The following PDGFRA variants were observed in gnomAD, a reference collection of about 807,000 sequenced individuals.
PDGFRA encodes the protein platelet-derived growth factor receptor alpha.
In PDGFRA, 25 loss-of-function variants were observed where a neutral mutation model predicts 121.5. The observed-to-expected ratio is 0.21, with a 90% CI of 0.15 to 0.29. The LOEUF (loss-of-function observed/expected upper bound fraction) is 0.29. PDGFRA is among the 10% of genes least tolerant of loss of function. PDGFRA has a pLI of 1.00. For synonymous variants in PDGFRA, 463 were observed against 494.8 expected, an observed-to-expected ratio of 0.94 and a Z score of 0.85; for missense variants, 1,008 against 1,345.1, an observed-to-expected ratio of 0.75 and a Z score of 3.92.
chr4:54,238,125 A>G (rs1721110924), intron 1 of PDGFRA, among the ~76,000 whole-genome samples: 1 of 152,202 alleles, frequency 6.6e-6, no homozygotes, highest in South Asian at 2.1e-4. Flanking sequence ...TTTGTTTTCT[A>G]CATACCCCAC....
chr4:54,250,400 A>G (rs116644280), intron 1 of PDGFRA, among the ~76,000 whole-genome samples: 1 of 152,172 alleles, frequency 6.6e-6, no homozygotes, highest in African/African-American at 2.4e-5. Context: ...TCCAAAAGTG[A>G]CATATTTGGC....
At chr4:54,294,565 A>C (rs1724785997) in intron 22 of PDGFRA, among the ~76,000 whole-genome samples, 1 of 151,268 alleles carries the variant, frequency 6.6e-6, no homozygotes, top group Non-Finnish European at 1.5e-5. Context: ...AGGCTTTCTG[A>C]CTCCAGAACT....
intron 1 of PDGFRA, among the ~76,000 whole-genome samples, chr4:54,257,725 G>A (rs566554656): frequency 1.3e-5 from 2 of 152,272 alleles, no homozygotes; most frequent in African/African-American, 4.8e-5. Context: ...GAGAAATGAG[G>A]GGGGAGATAA....
intron 1 of PDGFRA, among the ~76,000 whole-genome samples, chr4:54,246,265 T>C (rs1258457880): frequency 6.6e-6 from 1 of 152,176 alleles, no homozygotes; most frequent in Non-Finnish European, 1.5e-5. Context: ...AGAATATACA[T>C]GTTTTTCAGC....
rs375434317 is a variant in PDGFRA at position 54,278,511 on chromosome 4, C to G, written c.2152C>G (p.Arg718Gly). The change falls in exon 15 of 23, where the codon CGG becomes GGG. Residue 718 changes from arginine to glycine, a missense_variant. Arg to Gly is a moderately radical substitution (Grantham distance 125, BLOSUM62 -2). Coordinates refer to ENST00000257290, the MANE Select transcript of PDGFRA (RefSeq NM_006206.6). ...ATTGAACCCTGCTGATGAAAGCACA[C>G]GGAGGTGGGTGCAAAGAGAGATGTT... ...FGLNPADEST[R>G]SYVILSFENN... 1 of 1,613,798 alleles carries G rather than the reference C, an allele frequency of 6.2e-7. No individual in the cohort carries two copies. Among genetic ancestry groups the G allele is most frequent in the Non-Finnish European group, 8.5e-7 (1 of 1,179,806 alleles).
intron 22 of PDGFRA, among the ~76,000 whole-genome samples, chr4:54,291,056 TC>T (rs1224565716): frequency 1.3e-5 from 2 of 152,184 alleles, no homozygotes; most frequent in East Asian, 1.9e-4. Flanking sequence ...GGCCAACTGC[TC>T]CCTGGCTGAT....
rs536062496 is a variant in PDGFRA, at chr4:54,285,409, G to A, written c.2362G>A (p.Glu788Lys). The change falls in exon 17 of 23, where the codon GAA (glutamate) becomes AAA (lysine). Residue 788 changes from glutamate to lysine, a missense_variant. By Grantham distance (56) the Glu-to-Lys change is moderately conservative. Transcript: ENST00000257290. ...VKNLLSDDNSEGLTLLDLLSF... is the reference protein window; with the variant it reads ...VKNLLSDDNSKGLTLLDLLSF... Reference sequence around the variant, plus strand: ...AAACCTCCTTTCAGATGATAACTCAGAAGGCCTTACTTTATTGGATTTGTT... The same window carrying A: ...AAACCTCCTTTCAGATGATAACTCAAAAGGCCTTACTTTATTGGATTTGTT... 1.9e-6 allele frequency: 3 copies of A among 1,563,890 alleles called. No individual in the cohort carries two copies. Among genetic ancestry groups the A allele is most frequent in the African/African-American group, 1.4e-5 (1 of 74,004 alleles).
chr4:54,270,606 G>T, intron 7 of PDGFRA, 27 bp from the exon 8 acceptor site: 1 of 1,293,302 alleles, frequency 7.7e-7, no homozygotes, highest in South Asian at 1.2e-5. Context: ...GCTACTGCTT[G>T]TTGAAACAAA....
chr4:54,249,182 G>T (rs962789946), intron 1 of PDGFRA, among the ~76,000 whole-genome samples: 4 of 151,906 alleles, frequency 2.6e-5, no homozygotes, highest in African/African-American at 4.9e-5. Context: ...CTATTTGGTT[G>T]GTGGGACTGT....
intron 1 of PDGFRA, among the ~76,000 whole-genome samples, chr4:54,243,923 T>TGGCTCAGAGGGTCCTACGCCCAC (rs1472917938): frequency 3.9e-4 from 60 of 152,336 alleles, no homozygotes; most frequent in African/African-American, 1.3e-3. Flanking sequence ...ATCCCGCACA[T>TGGCTCAGAGGGTCCTACGCCCAC]GGCTCAGAGG....
In PDGFRA at chr4:54,295,518, A is replaced by G; in HGVS notation, c.*246A>G. On this transcript the variant is annotated 3_prime_UTR_variant, in exon 23 of 23. Coordinates refer to ENST00000257290, the MANE Select transcript of PDGFRA (RefSeq NM_006206.6). ...AGTGGTGTGTGAAGTTTGGAGATAG[A>G]TGGATAAGGGAATAATAGGCCACAG... The G allele has an allele frequency of 1.9e-6, 1 of 532,228 alleles. No individual in the cohort carries two copies. The highest frequency in any genetic ancestry group is 2.1e-5 in the South Asian group (1 of 47,410). 33.0% of individuals were successfully genotyped at this position (532,228 alleles called of 1,614,324 possible). A position where few individuals can be genotyped will look rare whatever the true frequency, so the allele number is the denominator to read the frequency against.
chr4:54,276,452 G>A (rs1723732088), intron 12 of PDGFRA, among the ~76,000 whole-genome samples: 1 of 152,162 alleles, frequency 6.6e-6, no homozygotes, highest in African/African-American at 2.4e-5. Context: ...CAGCGGACAA[G>A]GAGAATCCAT....
At position 54,236,891 on chromosome 4, in the gene PDGFRA, T is replaced by C. The variant is rs190131555; in HGVS notation, c.-13+7476T>C. On this transcript the variant is annotated intron_variant, in intron 1 of 22. Coordinates refer to ENST00000257290, the MANE Select transcript of PDGFRA (RefSeq NM_006206.6). Reference sequence around the variant, plus strand: ...CCCAGGGAACCACTGTTATCAGAGATTGGGGTTTGGAATCTTAAGCAACAA... The same window carrying C: ...CCCAGGGAACCACTGTTATCAGAGACTGGGGTTTGGAATCTTAAGCAACAA... Among the ~76,000 whole-genome samples, 108 of 152,312 alleles carry C rather than the reference T, an allele frequency of 7.1e-4. 1 individual carries two copies. In the East Asian group the frequency reaches 0.02, roughly 29 times the overall value.
chr4:54,291,703 T>C (rs1262844863), intron 22 of PDGFRA, among the ~76,000 whole-genome samples: 1 of 152,158 alleles, frequency 6.6e-6, no homozygotes, highest in Non-Finnish European at 1.5e-5. Context: ...GTTCAGCTAT[T>C]GTGGAAAGCA....
chr4:54,271,795 A>C (rs201215113), intron 8 of PDGFRA, among the ~76,000 whole-genome samples: 626 of 54,584 alleles, frequency 0.011, no homozygotes, highest in African/African-American at 0.014. Flanking sequence ...TCCCTCCCTC[A>C]CTCTCTCTTT....
chr4:54,265,009 A>C lies in PDGFRA; in HGVS notation c.719A>C (p.Asn240Thr), dbSNP rs749141162. The C allele has an allele frequency of 1.2e-6, 2 of 1,613,816 alleles. No homozygotes were observed. Among genetic ancestry groups the C allele is most frequent in the South Asian group, 2.2e-5 (2 of 91,074 alleles). ...TIVVTCAVFN[N>T]EVVDLQWTYP... The stretch of plus-strand genomic sequence containing the variant: ...GTGGTCACCTGTGCTGTTTTTAACA[A>C]TGAGGTGGTTGACCTTCAATGGACT... The change falls in exon 5 of 23, where the codon AAT (asparagine) becomes ACT (threonine). Residue 240 changes from asparagine (N) to threonine (T), a missense_variant. By Grantham distance (65) the Asn-to-Thr change is moderately conservative. Transcript: ENST00000257290.
At chr4:54,259,321 T>A (rs574258179) in intron 2 of PDGFRA, among the ~76,000 whole-genome samples, 1 of 152,214 alleles carries the variant, frequency 6.6e-6, no homozygotes, top group East Asian at 1.9e-4. Context: ...TTAAAAAAAA[T>A]GTTCAAAGGA....
intron 12 of PDGFRA, among the ~76,000 whole-genome samples, chr4:54,276,548 G>A (rs1454512021): frequency 6.6e-6 from 1 of 152,186 alleles, no homozygotes; most frequent in Non-Finnish European, 1.5e-5. Flanking sequence ...AACAAGGGAT[G>A]AGGAGCTTAG....
At chr4:54,249,828 ATATTAT>A (rs961827908) in intron 1 of PDGFRA, among the ~76,000 whole-genome samples, 17 of 152,028 alleles carry the variant, frequency 1.1e-4, no homozygotes, top group African/African-American at 3.9e-4. Flanking sequence ...AGTTAAAGGG[ATATTAT>A]TATTATTATT....
Sources: gnomAD v4.1 joint callset for allele counts (sites outside exome capture counted in the v4.1 genomes callset) on GRCh38, gnomAD v4.1.1 for gene constraint, MANE v1.5 for transcripts, NCBI Gene and HGNC (gene_info 2026-07-23, HGNC 2026-07-21) for gene names.